SLC12A6: variants seen among roughly 807,000 people sequenced by gnomAD.
SLC12A6 encodes K-Cl cotransporter 3.
A neutral mutation model predicts 135.3 loss-of-function variants in SLC12A6; 66 were observed. The ratio of observed to expected loss-of-function variants is 0.49; its 90% CI spans 0.40 to 0.60. SLC12A6 has a LOEUF of 0.60. Ranked by LOEUF, SLC12A6 falls within the 20% of genes least tolerant of loss-of-function variation. The probability of loss-of-function intolerance (pLI) is 0.00; values close to 1 mark genes in which losing one functional copy is unlikely to be tolerated. For synonymous variants in SLC12A6, 513 were observed against 508.8 expected (o/e 1.01, Z -0.11); for missense variants, 1,058 against 1,452.3 (o/e 0.73, Z 4.41).
At chr15:34,242,362 G>C in intron 16 of SLC12A6, 141 bp from the exon 17 acceptor site, 1 of 646,758 alleles carries the variant, frequency 1.5e-6, no homozygotes, top group South Asian at 1.8e-5. Flanking sequence ...TTTGTAAAAT[G>C]CAATAAAAAT....
At chr15:34,285,717 T>TATACACACACACACACACACACACACA (rs144158165) in intron 2 of SLC12A6, among the ~76,000 whole-genome samples, 1,514 of 131,068 alleles carry the variant, frequency 0.012, 23 homozygotes, top group South Asian at 0.042. Context: ...TGTGTGTTTG[T>TATACACACACACACACACACACACACA]CATACATAAA....
chr15:34,319,144 T>C (rs1161775924), intron 2 of SLC12A6, among the ~76,000 whole-genome samples: 1 of 151,264 alleles, frequency 6.6e-6, no homozygotes, highest in Non-Finnish European at 1.5e-5. Context: ...TTTTTTTTTT[T>C]TTTTTGAGAC....
intron 16 of SLC12A6, among the ~76,000 whole-genome samples, chr15:34,243,768 C>A (rs190240975): frequency 2.0e-5 from 3 of 152,018 alleles, no homozygotes; most frequent in Non-Finnish European, 4.4e-5. Context: ...TTGCTCTATT[C>A]GTATTGGGTG....
chr15:34,321,869 C>T (rs1889114867), intron 2 of SLC12A6, among the ~76,000 whole-genome samples: 1 of 152,136 alleles, frequency 6.6e-6, no homozygotes, highest in African/African-American at 2.4e-5. Context: ...CAGAAGAGTA[C>T]ATAATATGTG....
intron 2 of SLC12A6, among the ~76,000 whole-genome samples, chr15:34,279,543 T>C (rs549373442): frequency 3.3e-5 from 5 of 152,274 alleles, no homozygotes; most frequent in South Asian, 2.1e-4. Context: ...CACCCTTCAA[T>C]TGTTCTGTGT....
intron 19 of SLC12A6, among the ~76,000 whole-genome samples, chr15:34,240,062 T>G (rs1174573150): frequency 6.6e-6 from 1 of 152,070 alleles, no homozygotes; most frequent in Non-Finnish European, 1.5e-5. Context: ...AACTCGTCAT[T>G]TACATTAGGT....
chr15:34,299,338 C>T (rs1896088233), intron 2 of SLC12A6, among the ~76,000 whole-genome samples: 1 of 152,204 alleles, frequency 6.6e-6, no homozygotes, highest in Admixed American at 6.5e-5. Flanking sequence ...TGGGTATAAG[C>T]TGCCTTGTAT....
At chr15:34,260,774 G>A in intron 4 of SLC12A6, 152 bp downstream of exon 4, 1 of 602,852 alleles carries the variant, frequency 1.7e-6, no homozygotes, top group Non-Finnish European at 3.0e-6. Context: ...AGATTACACA[G>A]ACAAAATTTA....
intron 4 of SLC12A6, among the ~76,000 whole-genome samples, chr15:34,259,607 C>A (rs1004882192): frequency 6.6e-6 from 1 of 152,164 alleles, no homozygotes; most frequent in Non-Finnish European, 1.5e-5. Context: ...CCACTGCACT[C>A]CAGCCTGGGT....
chr15:34,238,894 TG>T, intron 20 of SLC12A6, 70 bp downstream of exon 20: 4 of 1,304,500 alleles, frequency 3.1e-6, no homozygotes, highest in Non-Finnish European at 4.5e-6. Context: ...TTTAGGAGGC[TG>T]GGGGTGACAG....
intron 2 of SLC12A6, among the ~76,000 whole-genome samples, chr15:34,335,647 C>G (rs76198709): frequency 2.6e-5 from 4 of 152,130 alleles, no homozygotes; most frequent in Non-Finnish European, 5.9e-5. Flanking sequence ...CTTCCCAGTA[C>G]CTCAAATAAA....
At chr15:34,291,943 C>T (rs189298155) in intron 2 of SLC12A6, among the ~76,000 whole-genome samples, 440 of 152,166 alleles carry the variant, frequency 2.9e-3, no homozygotes, top group African/African-American at 3.6e-3. Flanking sequence ...TCCTTTAGCT[C>T]GGAGAAGTTT....
chr15:34,315,272 G>T lies in SLC12A6; in HGVS notation c.271+21138C>A, dbSNP rs139207794. ...GTCAATTCATGCAGTAAACTTCATT[G>T]TTGTTCTATTTTAAGAAATTGCCAC... is the stretch of plus-strand genomic sequence containing the variant. On this transcript the variant is annotated intron_variant, in intron 2 of 25. Coordinates refer to ENST00000354181, the MANE Select transcript of SLC12A6 (RefSeq NM_001365088.1). Among the ~76,000 whole-genome samples, 665 of 152,292 alleles carry T rather than the reference G, an allele frequency of 4.4e-3. 5 individuals carry two copies. Among genetic ancestry groups the T allele is most frequent in the South Asian group, 0.012 (56 of 4,826 alleles).
rs1391339381 is a variant in SLC12A6, at chr15:34,252,367, T to C, written c.1136A>G (p.Asn379Ser). 6.2e-7 allele frequency: 1 copy of C among 1,608,170 alleles called. No homozygotes were observed. The stretch of plus-strand genomic sequence containing the variant: ...AATGTGTCTTGATGAAAGGGTGCGG[T>C]TACCCAGCATGCAGACCCTAAGTGA... ...PPHFPVCMLG[N>S]RTLSSRHIDV... Residue 379 changes from asparagine (N) to serine (S), a missense_variant, in exon 10 of 26, where the codon AAC (asparagine) becomes AGC (serine). Asn to Ser is a conservative substitution (Grantham distance 46). This residue lies in a region of SLC12A6 where 297 missense variants were observed against 318.5 expected (regional missense o/e 0.93). Transcript: ENST00000354181.
intron 25 of SLC12A6, among the ~76,000 whole-genome samples, chr15:34,234,586 G>A (rs928584014): frequency 3.9e-5 from 6 of 151,986 alleles, no homozygotes; most frequent in African/African-American, 9.7e-5. Context: ...TGGCCAGGCT[G>A]GTCTCGAACT....
intron 2 of SLC12A6, among the ~76,000 whole-genome samples, chr15:34,310,300 AGTGTGTGTGTGT>A (rs58503652): frequency 1.6e-4 from 7 of 43,744 alleles, no homozygotes; most frequent in African/African-American, 7.2e-4. Flanking sequence ...CCTGGGCTCA[AGTGTGTGTGTGT>A]GTGTGTGTGT....
chr15:34,330,839 A>G (rs1889790764), intron 2 of SLC12A6, among the ~76,000 whole-genome samples: 1 of 152,050 alleles, frequency 6.6e-6, no homozygotes, highest in Non-Finnish European at 1.5e-5. Context: ...GAGAAAGGTA[A>G]TAGTCCATCC....
At chr15:34,310,058 G>C (rs1454987872) in intron 2 of SLC12A6, among the ~76,000 whole-genome samples, 1 of 150,374 alleles carries the variant, frequency 6.7e-6, no homozygotes. Flanking sequence ...GCCCAGGATA[G>C]AGTGCAGTGG....
At chr15:34,334,407 A>G (rs1890067128) in intron 2 of SLC12A6, among the ~76,000 whole-genome samples, 1 of 152,076 alleles carries the variant, frequency 6.6e-6, no homozygotes, top group Non-Finnish European at 1.5e-5. Flanking sequence ...CCTTTTCTTC[A>G]CAACAGCACC....
Sources: allele counts gnomAD v4.1 joint callset (sites outside exome capture counted in the v4.1 genomes callset), GRCh38; gene constraint gnomAD v4.1.1; regional missense constraint gnomAD v4.1.1; transcripts MANE v1.5; gene names NCBI Gene and HGNC (gene_info 2026-07-23, HGNC 2026-07-21).